The following ACOXL variants were observed in gnomAD, a reference collection of about 807,000 sequenced individuals.
ACOXL encodes acyl-CoA oxidase like, also known as acyl-coenzyme A oxidase-like protein.
Under a neutral mutation model 71.9 loss-of-function variants are expected in ACOXL, and 70 were observed. The observed-to-expected ratio is 0.97, with a 90% CI of 0.80 to 1.19. The LOEUF (loss-of-function observed/expected upper bound fraction) is 1.19. ACOXL is among the 50% of genes most tolerant of loss of function. ACOXL has a pLI of 0.00. For missense variants in ACOXL, 703 were observed against 736.3 expected (o/e 0.95, Z 0.52); for synonymous variants, 253 against 281.6 (o/e 0.90, Z 1.02).
intron 7 of ACOXL, among the ~76,000 whole-genome samples, chr2:110,800,302 C>T (rs1405604193): frequency 6.6e-6 from 1 of 152,188 alleles, no homozygotes; most frequent in African/African-American, 2.4e-5. Context: ...AGGACTGTGT[C>T]TTTGGCCTGT....
At chr2:111,057,485 G>A (rs2066601253) in intron 16 of ACOXL, among the ~76,000 whole-genome samples, 3 of 152,184 alleles carry the variant, frequency 2.0e-5, no homozygotes, top group African/African-American at 7.2e-5. Flanking sequence ...CTCTGGGAGG[G>A]AATGCAGCAG....
intron 2 of ACOXL, among the ~76,000 whole-genome samples, chr2:110,770,851 C>T (rs1398378283): frequency 6.6e-6 from 1 of 152,182 alleles, no homozygotes; most frequent in African/African-American, 2.4e-5. Flanking sequence ...TACTCAAGAC[C>T]CGGATGTGAG....
At position 110,766,645 on chromosome 2, in the gene ACOXL, C is replaced by T. The variant is rs912254963; in HGVS notation, c.-22-1723C>T. Among the ~76,000 whole-genome samples, 9 of 152,286 alleles carry T rather than the reference C, an allele frequency of 5.9e-5. No homozygotes were observed. In the East Asian group the frequency reaches 1.7e-3, roughly 29 times the overall value. ...AAGTGCCAACTGACCCTCTCTCCTA[C>T]CACCTCCTTTTTCCTTGTTAATACC... On this transcript the variant is annotated intron_variant, in intron 1 of 17. Coordinates refer to ENST00000439055, the MANE Select transcript of ACOXL (RefSeq NM_001142807.4).
At chr2:110,975,060 C>T (rs1056981757) in intron 12 of ACOXL, among the ~76,000 whole-genome samples, 5 of 152,094 alleles carry the variant, frequency 3.3e-5, no homozygotes, top group East Asian at 1.9e-4. Context: ...TGCGTACCAG[C>T]GGTGGGGCAT....
intron 11 of ACOXL, among the ~76,000 whole-genome samples, chr2:110,910,809 G>T (rs905909317): frequency 6.6e-6 from 1 of 151,944 alleles, no homozygotes; most frequent in Non-Finnish European, 1.5e-5. Context: ...TTATCTTATT[G>T]TTATTGACTT....
intron 1 of ACOXL, among the ~76,000 whole-genome samples, chr2:110,735,594 G>A (rs1337355806): frequency 6.6e-6 from 1 of 152,182 alleles, no homozygotes; most frequent in Non-Finnish European, 1.5e-5. Context: ...CGGCTCCCAG[G>A]GGCAATGTAG....
intron 12 of ACOXL, among the ~76,000 whole-genome samples, chr2:110,943,215 A>T (rs2060955897): frequency 6.7e-6 from 1 of 148,978 alleles, no homozygotes; most frequent in African/African-American, 2.5e-5. Context: ...GAAAGGAAGA[A>T]GGAAGGAAAG....
chr2:110,867,753 A>G (rs1450637052), intron 10 of ACOXL, among the ~76,000 whole-genome samples: 1 of 152,096 alleles, frequency 6.6e-6, no homozygotes, highest in Non-Finnish European at 1.5e-5. Context: ...TGACATGAAA[A>G]AGCAACTCAA....
chr2:110,767,838 C>A (rs1331439313), intron 1 of ACOXL, among the ~76,000 whole-genome samples: 1 of 152,070 alleles, frequency 6.6e-6, no homozygotes, highest in Non-Finnish European at 1.5e-5. Context: ...GTAATCCCAG[C>A]ACTTTGGGAG....
intron 12 of ACOXL, among the ~76,000 whole-genome samples, chr2:110,939,222 CAA>C (rs569566005): frequency 1.5e-3 from 235 of 152,228 alleles, no homozygotes; most frequent in Non-Finnish European, 2.5e-3. Context: ...CTTGGCTGAG[CAA>C]AGTCTATTTG....
intron 5 of ACOXL, chr2:110,796,093 G>A (rs955064348): frequency 6.6e-6 from 1 of 150,790 alleles, no homozygotes; most frequent in African/African-American, 2.4e-5. Context: ...CCCTTCACTG[G>A]GTTCTGTGTT....
intron 16 of ACOXL, 40 bp downstream of exon 16, chr2:111,049,328 GA>G (rs1558912649): frequency 6.6e-7 from 1 of 1,523,240 alleles, no homozygotes; most frequent in East Asian, 2.3e-5. Context: ...TAAAGGCTCA[GA>G]GCGTTTTTAT....
chr2:110,904,279 C>T (rs1358598199), intron 10 of ACOXL, among the ~76,000 whole-genome samples: 1 of 152,174 alleles, frequency 6.6e-6, no homozygotes, highest in Non-Finnish European at 1.5e-5. Context: ...CATCTTCTAT[C>T]CCTGTCCTAA....
chr2:111,069,152 T>A (rs978358429), intron 16 of ACOXL, among the ~76,000 whole-genome samples: 3 of 150,624 alleles, frequency 2.0e-5, no homozygotes, highest in Non-Finnish European at 4.4e-5. Context: ...TTTCTTTTTT[T>A]TTTTTTTTTT....
chr2:110,885,405 A>T lies in ACOXL; in HGVS notation c.789-23384A>T, dbSNP rs144519486. ...TTCCCATAATTAATCCCTGTAATAC[A>T]CATTTTCATGTATCAGAATTTCTTT... On this transcript the variant is annotated intron_variant, in intron 10 of 17. Coordinates refer to ENST00000439055, the MANE Select transcript of ACOXL (RefSeq NM_001142807.4). Among the ~76,000 whole-genome samples, 384 of 152,310 alleles carry T rather than the reference A, an allele frequency of 2.5e-3. 1 individual carries two copies. Among genetic ancestry groups the T allele is most frequent in the Non-Finnish European group, 4.7e-3 (317 of 68,030 alleles).
In ACOXL at chr2:110,874,495, C is replaced by A. The variant is rs551138087; in HGVS notation, c.788+33090C>A. ...GCAGAAAAATTGGAGTTGAGAGGCC[C>A]CAAGAGCCCCTCTGCCATTCAGCCT... On this transcript the variant is annotated intron_variant, in intron 10 of 17. Transcript: ENST00000439055. Among the ~76,000 whole-genome samples, 34 of 152,266 alleles carry A rather than the reference C, an allele frequency of 2.2e-4. No individual in the cohort carries two copies. The South Asian group carries it at 6.8e-3, about 31-fold the overall frequency.
intron 14 of ACOXL, among the ~76,000 whole-genome samples, chr2:111,027,097 A>T (rs1424421442): frequency 1.3e-5 from 2 of 151,750 alleles, no homozygotes; most frequent in Non-Finnish European, 2.9e-5. Flanking sequence ...GGGTTTCACC[A>T]TGTTGCCCAG....
At chr2:110,920,361 C>T (rs2060020469) in intron 11 of ACOXL, among the ~76,000 whole-genome samples, 1 of 152,066 alleles carries the variant, frequency 6.6e-6, no homozygotes, top group South Asian at 2.1e-4. Flanking sequence ...TACTTATTTG[C>T]CATCTGTGTA....
At chr2:110,737,836 T>C (rs1677055429) in intron 1 of ACOXL, among the ~76,000 whole-genome samples, 2 of 152,244 alleles carry the variant, frequency 1.3e-5, no homozygotes, top group African/African-American at 4.8e-5. Flanking sequence ...TCCTCCATGG[T>C]CAAGTCACTG....
Sources: allele counts gnomAD v4.1 joint callset (sites outside exome capture counted in the v4.1 genomes callset), GRCh38; gene constraint gnomAD v4.1.1; transcripts MANE v1.5; gene names NCBI Gene and HGNC (gene_info 2026-07-23, HGNC 2026-07-21).